Variants in FILIP1L observed in about 807,000 individuals in gnomAD.
FILIP1L encodes filamin A interacting protein 1 like, also known as filamin A-interacting protein 1-like.
A neutral mutation model predicts 96.6 loss-of-function variants in FILIP1L; 55 were observed. The observed-to-expected ratio is 0.57, with a 90% CI of 0.46 to 0.71. The LOEUF (loss-of-function observed/expected upper bound fraction) is 0.71, where lower values mean the gene tolerates loss of function less well. Among genes scored for constraint, FILIP1L ranks in the 30% least tolerant of loss-of-function variants. The pLI is 0.00. For missense variants in FILIP1L, 1,304 were observed against 1,321.2 expected, an observed-to-expected ratio of 0.99 and a Z score of 0.20; for synonymous variants, 467 against 473.9, an observed-to-expected ratio of 0.99 and a Z score of 0.19.
In FILIP1L at chr3:100,065,310, C is replaced by T. The variant is rs1305444886; in HGVS notation, c.-11+48743G>A. On this transcript the variant is annotated intron_variant, in intron 1 of 5. Transcript: ENST00000477258. ...TCCTGCTATAGTTTGAGAACCATTG[C>T]TCTAAATTGCAATTCTCAGGCCAAT... 7.2e-5 allele frequency among the ~76,000 whole-genome samples: 11 copies of T among 152,238 alleles called. No homozygotes were observed. In the South Asian group the frequency reaches 1.2e-3, roughly 17 times the overall value.
At chr3:100,013,433 C>G (rs945723565) in intron 1 of FILIP1L, among the ~76,000 whole-genome samples, 3 of 149,792 alleles carry the variant, frequency 2.0e-5, no homozygotes, top group Admixed American at 2.0e-4. Context: ...TAGTAGAGAC[C>G]GGGTTTCCCC....
chr3:99,842,613 T>G (rs1294459218), intron 5 of FILIP1L, among the ~76,000 whole-genome samples: 2 of 152,262 alleles, frequency 1.3e-5, no homozygotes, highest in East Asian at 3.9e-4. Context: ...CTAGTTTCAG[T>G]TTTTCAAAAT....
At chr3:100,009,482 T>C (rs1034665942) in intron 1 of FILIP1L, among the ~76,000 whole-genome samples, 7 of 151,998 alleles carry the variant, frequency 4.6e-5, no homozygotes, top group Non-Finnish European at 7.4e-5. Context: ...TCAGAGCTAA[T>C]GCACATAGGC....
intron 1 of FILIP1L, among the ~76,000 whole-genome samples, chr3:100,096,196 G>A (rs1476121354): frequency 6.6e-6 from 1 of 152,152 alleles, no homozygotes; most frequent in Non-Finnish European, 1.5e-5. Context: ...GTGGACAACA[G>A]TTTGGAGGTT....
intron 4 of FILIP1L, among the ~76,000 whole-genome samples, chr3:99,921,260 T>C (rs1707115333): frequency 6.6e-6 from 1 of 152,220 alleles, no homozygotes; most frequent in African/African-American, 2.4e-5. Context: ...CTCTTGTGTG[T>C]AAGCACCTCC....
chr3:99,952,700 A>C (rs780520372), intron 1 of FILIP1L, among the ~76,000 whole-genome samples: 1 of 152,194 alleles, frequency 6.6e-6, no homozygotes, highest in Non-Finnish European at 1.5e-5. Flanking sequence ...TATATTTTTA[A>C]ATAATATCTA....
chr3:100,061,806 A>C (rs1251311883), intron 1 of FILIP1L, among the ~76,000 whole-genome samples: 1 of 152,248 alleles, frequency 6.6e-6, no homozygotes, highest in African/African-American at 2.4e-5. Flanking sequence ...AGGAAATATC[A>C]GAGGCAAGAT....
intron 4 of FILIP1L, among the ~76,000 whole-genome samples, chr3:99,875,821 A>G (rs1352510140): frequency 6.6e-6 from 1 of 152,234 alleles, no homozygotes; most frequent in Non-Finnish European, 1.5e-5. Flanking sequence ...CGTATGTAAT[A>G]CAGTCACCTC....
At chr3:100,007,814 GGCCACT>G (rs1382021096) in intron 1 of FILIP1L, among the ~76,000 whole-genome samples, 9 of 152,176 alleles carry the variant, frequency 5.9e-5, no homozygotes, top group Non-Finnish European at 7.4e-5. Context: ...ACAGGGAATT[GGCCACT>G]GCCAGCCACT....
chr3:100,098,508 G>T (rs1258778461), intron 1 of FILIP1L, among the ~76,000 whole-genome samples: 1 of 152,194 alleles, frequency 6.6e-6, no homozygotes, highest in Non-Finnish European at 1.5e-5. Context: ...AAGCACTCAA[G>T]AATTGTTAGC....
intron 1 of FILIP1L, among the ~76,000 whole-genome samples, chr3:100,064,151 C>T (rs1021496975): frequency 1.3e-5 from 2 of 152,190 alleles, no homozygotes; most frequent in Non-Finnish European, 2.9e-5. Flanking sequence ...CTGCTGTAAA[C>T]CTTCAAGGGC....
chr3:99,836,985 T>C (rs748110149), intron 5 of FILIP1L, among the ~76,000 whole-genome samples: 1 of 152,260 alleles, frequency 6.6e-6, no homozygotes, highest in Non-Finnish European at 1.5e-5. Flanking sequence ...AAACCTGGAA[T>C]AGGACCATAT....
At chr3:100,004,000 G>T (rs972631827) in intron 1 of FILIP1L, among the ~76,000 whole-genome samples, 2 of 152,118 alleles carry the variant, frequency 1.3e-5, no homozygotes, top group Non-Finnish European at 2.9e-5. Flanking sequence ...TGATTTTTCT[G>T]TACATGTCTG....
chr3:100,095,541 G>T (rs916133590), intron 1 of FILIP1L, among the ~76,000 whole-genome samples: 2 of 151,840 alleles, frequency 1.3e-5, no homozygotes, highest in Admixed American at 6.6e-5. Context: ...TCCAATAAAT[G>T]GTGCTAGGAA....
At chr3:99,956,559 C>A (rs1708325523) in intron 1 of FILIP1L, among the ~76,000 whole-genome samples, 1 of 152,182 alleles carries the variant, frequency 6.6e-6, no homozygotes, top group Non-Finnish European at 1.5e-5. Context: ...GTTGGCCAGG[C>A]TAGTCTCGAA....
At chr3:99,985,821 T>G (rs1709323320) in intron 1 of FILIP1L, among the ~76,000 whole-genome samples, 1 of 152,164 alleles carries the variant, frequency 6.6e-6, no homozygotes, top group Non-Finnish European at 1.5e-5. Context: ...ACTCCTGACC[T>G]CAGGTGATCC....
chr3:99,867,823 C>T (rs899270408), intron 4 of FILIP1L, among the ~76,000 whole-genome samples: 5 of 152,040 alleles, frequency 3.3e-5, no homozygotes, highest in African/African-American at 7.2e-5. Flanking sequence ...AATGGAAAAC[C>T]GTAATTGGAA....
intron 1 of FILIP1L, among the ~76,000 whole-genome samples, chr3:99,979,273 A>G (rs1709053558): frequency 6.6e-6 from 1 of 152,184 alleles, no homozygotes; most frequent in African/African-American, 2.4e-5. Flanking sequence ...ATGAGACTCT[A>G]CCTAAAATTT....
At chr3:99,932,851 C>T (rs779678522) in intron 1 of FILIP1L, among the ~76,000 whole-genome samples, 6 of 152,170 alleles carry the variant, frequency 3.9e-5, no homozygotes, top group Non-Finnish European at 5.9e-5. Context: ...AGATCGCGCC[C>T]GGCACTCCAG....
Sources: gnomAD v4.1 joint callset for allele counts (sites outside exome capture counted in the v4.1 genomes callset) on GRCh38, gnomAD v4.1.1 for gene constraint, MANE v1.5 for transcripts, NCBI Gene and HGNC (gene_info 2026-07-23, HGNC 2026-07-21) for gene names.